The following SLAMF9 variants were observed in gnomAD, a reference collection of about 807,000 sequenced individuals.
The protein encoded by SLAMF9 is CD2 family member 10.
A neutral mutation model predicts 30.4 loss-of-function variants in SLAMF9; 25 were observed. The observed-to-expected ratio is 0.82, with a 90% CI of 0.60 to 1.15. The LOEUF is 1.15. Among genes scored for constraint, SLAMF9 ranks in the 50% most tolerant of loss-of-function variants. SLAMF9 has a pLI of 0.00. For synonymous variants in SLAMF9, 129 were observed against 127.2 expected (o/e 1.01, Z -0.09); for missense variants, 344 against 346.1 (o/e 0.99, Z 0.05).
At chr1:159,975,313 C>T in the SLAMF9 span, among the ~76,000 whole-genome samples, 2 of 152,094 alleles carry the variant, frequency 1.3e-5, no homozygotes, top group Non-Finnish European at 2.9e-5. Flanking sequence ...CTTAGTTCTA[C>T]CTGGGGAGGA....
the SLAMF9 span, among the ~76,000 whole-genome samples, chr1:159,971,933 C>T: frequency 6.6e-6 from 1 of 152,140 alleles, no homozygotes; most frequent in Non-Finnish European, 1.5e-5. Context: ...ACCCCCGCCA[C>T]CAAAACACAA....
the SLAMF9 span, among the ~76,000 whole-genome samples, chr1:159,979,649 G>A: frequency 3.3e-3 from 491 of 150,258 alleles, 10 homozygotes; most frequent in East Asian, 0.048. Flanking sequence ...AGAAAATAAC[G>A]TAAGGCAATC....
At chr1:159,973,919 C>A in the SLAMF9 span, 1 of 1,612,560 alleles carries the variant, frequency 6.2e-7, no homozygotes, top group South Asian at 1.1e-5. Flanking sequence ...TGGACAGAGT[C>A]TGGTTTTCCT....
chr1:159,972,920 A>T, the SLAMF9 span: 1 of 1,008,574 alleles, frequency 9.9e-7, no homozygotes, highest in Middle Eastern at 3.5e-4. Context: ...CACTTCCCAC[A>T]ACTCCTCTCC....
At chr1:159,964,770 G>A in the SLAMF9 span, among the ~76,000 whole-genome samples, 180 of 152,150 alleles carry the variant, frequency 1.2e-3, 1 homozygote, top group African/African-American at 3.9e-3. Flanking sequence ...ACTATACCTG[G>A]CATATAGAAA....
the SLAMF9 span, among the ~76,000 whole-genome samples, chr1:159,969,386 T>TA: frequency 4.5e-4 from 68 of 151,502 alleles, no homozygotes; most frequent in African/African-American, 1.4e-3. Flanking sequence ...CTGCTGAACT[T>TA]AAAAAAAAAT....
At chr1:159,973,440 G>A in the SLAMF9 span, among the ~76,000 whole-genome samples, 1 of 152,256 alleles carries the variant, frequency 6.6e-6, no homozygotes, top group Middle Eastern at 3.4e-3. Flanking sequence ...TCACCCACAA[G>A]CTCTGAAATG....
rs780324590 is a variant in SLAMF9, at chr1:159,954,092, C to T, written c.46G>A (p.Gly16Ser). The change falls in exon 1 of 4, where the codon GGC becomes AGC. Residue 16 changes from glycine (G) to serine (S), a missense_variant and splice_region_variant. Transcript: ENST00000368093. ...WLLLLLLLQEGSQRRLWRWCG... is the reference protein window; with the variant it reads ...WLLLLLLLQESSQRRLWRWCG... Reference sequence around the variant, plus strand: ...TGCACGAGCTGGCAGCTTCACTCACCCTCCTGGAGCAGCAGGAGAAGAAGC... The same window carrying T: ...TGCACGAGCTGGCAGCTTCACTCACTCTCCTGGAGCAGCAGGAGAAGAAGC... 3.1e-6 allele frequency: 5 copies of T among 1,613,946 alleles called. No homozygotes were observed. The highest frequency in any genetic ancestry group is 4.2e-6 in the Non-Finnish European group (5 of 1,179,972).
chr1:159,972,857 A>G, the SLAMF9 span: 2 of 957,602 alleles, frequency 2.1e-6, no homozygotes, highest in South Asian at 7.1e-5. Context: ...CACACATGGG[A>G]TGGGAGGCTC....
the SLAMF9 span, among the ~76,000 whole-genome samples, chr1:159,969,914 C>G: frequency 6.6e-6 from 1 of 151,994 alleles, no homozygotes; most frequent in African/African-American, 2.4e-5. Context: ...TGGTGGTGCA[C>G]TGGTGCACTT....
the SLAMF9 span, among the ~76,000 whole-genome samples, chr1:159,961,940 C>G: frequency 6.6e-6 from 1 of 150,962 alleles, no homozygotes; most frequent in African/African-American, 2.4e-5. Flanking sequence ...GGGCGGATCA[C>G]AAGGTCAAGA....
the SLAMF9 span, chr1:159,973,222 G>A: frequency 8.1e-7 from 1 of 1,230,768 alleles, no homozygotes; most frequent in Non-Finnish European, 1.2e-6. Flanking sequence ...AGGGTAACCA[G>A]GCTTCCCTCT....
the SLAMF9 span, among the ~76,000 whole-genome samples, chr1:159,971,034 G>A: frequency 2.0e-5 from 3 of 152,132 alleles, no homozygotes; most frequent in Non-Finnish European, 4.4e-5. Context: ...AGGAAAACTC[G>A]CCCAAGCCTC....
the SLAMF9 span, among the ~76,000 whole-genome samples, chr1:159,967,384 C>T: frequency 3.9e-5 from 6 of 152,164 alleles, no homozygotes; most frequent in African/African-American, 1.4e-4. Flanking sequence ...AATAGATTGT[C>T]CTTTCCTCAT....
Position 159,953,304 on chromosome 1 carries a change from C to T in SLAMF9, c.391+5G>A, listed in dbSNP as rs778730796. On this transcript the variant is annotated splice_donor_5th_base_variant and intron_variant, in intron 2 of 3. Coordinates refer to ENST00000368093, the MANE Select transcript of SLAMF9 (RefSeq NM_033438.4). ...CCAGCTTTATGGTTCCCAGCCTAAA[C>T]TCACGGTAGACACATATATTGTACT... 1.3e-6 allele frequency: 2 copies of T among 1,591,274 alleles called. No homozygotes were observed. Among genetic ancestry groups the T allele is most frequent in the Non-Finnish European group, 1.7e-6 (2 of 1,161,982 alleles).
chr1:159,970,661 T>C, the SLAMF9 span, among the ~76,000 whole-genome samples: 1 of 152,240 alleles, frequency 6.6e-6, no homozygotes, highest in Non-Finnish European at 1.5e-5. Context: ...TCCTAACTAG[T>C]ATTTTATCTT....
the SLAMF9 span, chr1:159,976,658 C>T: frequency 6.6e-6 from 1 of 151,742 alleles, no homozygotes. Flanking sequence ...TTCAATAAAC[C>T]TCTCTTTCTT....
chr1:159,955,250 T>C (rs780349906), upstream of SLAMF9, among the ~76,000 whole-genome samples: 2 of 152,196 alleles, frequency 1.3e-5, no homozygotes, highest in Non-Finnish European at 2.9e-5. Context: ...GGTTATTAAA[T>C]AGCTTCCTGG....
At chr1:159,982,128 T>A in the SLAMF9 span, among the ~76,000 whole-genome samples, 3 of 152,084 alleles carry the variant, frequency 2.0e-5, no homozygotes, top group Non-Finnish European at 4.4e-5. Context: ...ACTGTTAGAG[T>A]CCTCCTCCTT....
Sources: allele counts gnomAD v4.1 joint callset (sites outside exome capture counted in the v4.1 genomes callset), GRCh38; gene constraint gnomAD v4.1.1; transcripts MANE v1.5; gene names NCBI Gene and HGNC (gene_info 2026-07-23, HGNC 2026-07-21).